B3GLCT: variants seen among roughly 807,000 people sequenced by gnomAD.
B3GLCT encodes the protein beta-1,3-glucosyltransferase.
In B3GLCT, 65 loss-of-function variants were observed where a neutral mutation model predicts 63.4. The observed-to-expected ratio is 1.03, with a 90% CI of 0.84 to 1.26. The LOEUF (loss-of-function observed/expected upper bound fraction) is 1.26. Among genes scored for constraint, B3GLCT ranks in the 50% most tolerant of loss-of-function variants. The probability of loss-of-function intolerance (pLI) is 0.00; values close to 1 mark genes in which losing one functional copy is unlikely to be tolerated. For missense variants in B3GLCT, 577 were observed against 604.8 expected, an observed-to-expected ratio of 0.95 and a Z score of 0.48; for synonymous variants, 233 against 219.2, an observed-to-expected ratio of 1.06 and a Z score of -0.55.
At chr13:31,302,356 A>G (rs928654221) in intron 12 of B3GLCT, among the ~76,000 whole-genome samples, 2 of 151,966 alleles carry the variant, frequency 1.3e-5, no homozygotes, top group African/African-American at 4.8e-5. Flanking sequence ...GCTCCGGTCT[A>G]CAGCTCCCAG....
At chr13:31,203,936 A>G (rs1253042733) in intron 1 of B3GLCT, among the ~76,000 whole-genome samples, 1 of 152,208 alleles carries the variant, frequency 6.6e-6, no homozygotes, top group Non-Finnish European at 1.5e-5. Flanking sequence ...GTTAAAAAGA[A>G]AAACTGCCCA....
chr13:31,216,275 T>C (rs1351285778), intron 2 of B3GLCT, among the ~76,000 whole-genome samples: 1 of 152,238 alleles, frequency 6.6e-6, no homozygotes, highest in Non-Finnish European at 1.5e-5. Context: ...ACACATTTAA[T>C]TTAATCTTCT....
At position 31,323,884 on chromosome 13, in the gene B3GLCT, C is replaced by T. The variant is rs142935066; in HGVS notation, c.1318C>T (p.Leu440Phe). ...GGGAATCCCTGTGACACACAGCCCT[C>T]TCTTCCATCAGGTGAGGAAATGGTT... The part of the protein sequence containing the change: ...GLGIPVTHSP[L>F]FHQARPVDYP... The change falls in exon 14 of 15, where the codon CTC becomes TTC. Residue 440 changes from leucine to phenylalanine, a missense_variant. Physicochemically the swap from Leu to Phe is conservative, Grantham distance 22. Transcript: ENST00000343307. 18 of 1,614,080 alleles carry T rather than the reference C, an allele frequency of 1.1e-5. No individual in the cohort carries two copies. Among genetic ancestry groups the T allele is most frequent in the Middle Eastern group, 1.6e-4 (1 of 6,084 alleles).
chr13:31,244,326 T>C (rs540088732), intron 4 of B3GLCT, among the ~76,000 whole-genome samples: 1 of 152,210 alleles, frequency 6.6e-6, no homozygotes, highest in East Asian at 1.9e-4. Context: ...ACCCTGTCTC[T>C]ATTAATAACA....
intron 14 of B3GLCT, 121 bp downstream of exon 14, chr13:31,324,016 C>A: frequency 7.9e-7 from 1 of 1,264,730 alleles, no homozygotes; most frequent in Non-Finnish European, 1.1e-6. Flanking sequence ...TGTTGACAGG[C>A]TCCAGGGGAA....
intron 6 of B3GLCT, among the ~76,000 whole-genome samples, chr13:31,259,453 A>G (rs1248275379): frequency 6.6e-6 from 1 of 151,446 alleles, no homozygotes; most frequent in Non-Finnish European, 1.5e-5. Flanking sequence ...GGCAGTCTGA[A>G]CTCCAACCTT....
rs191556772 is a variant in B3GLCT, at chr13:31,266,792, A to G, written c.597-2422A>G. On this transcript the variant is annotated intron_variant, in intron 7 of 14. Transcript: ENST00000343307. The stretch of plus-strand genomic sequence containing the variant: ...TTCTTTTTTATTTTTATTTTTTGAG[A>G]TGGAGTCTTGTTCTGTTGCCCAGGA... 3.6e-3 allele frequency among the ~76,000 whole-genome samples: 541 copies of G among 152,190 alleles called. 5 individuals are homozygous for G. The highest frequency in any genetic ancestry group is 0.012 in the African/African-American group (516 of 41,522).
At chr13:31,319,076 T>C (rs1875199648) in intron 13 of B3GLCT, among the ~76,000 whole-genome samples, 1 of 152,168 alleles carries the variant, frequency 6.6e-6, no homozygotes, top group Non-Finnish European at 1.5e-5. Context: ...GCACAGGGAA[T>C]GCACAGATGA....
intron 4 of B3GLCT, among the ~76,000 whole-genome samples, chr13:31,235,255 C>T (rs1432916847): frequency 2.0e-5 from 3 of 152,050 alleles, no homozygotes; most frequent in Non-Finnish European, 2.9e-5. Context: ...GGTGTCATAT[C>T]TGAAGTGAGG....
In B3GLCT at chr13:31,270,854, A is replaced by G. The variant is rs976076695; in HGVS notation, c.660+1577A>G. Among the ~76,000 whole-genome samples, 24 of 152,216 alleles carry G rather than the reference A, an allele frequency of 1.6e-4. 1 individual carries two copies. Among genetic ancestry groups the G allele is most frequent in the Admixed American group, 1.2e-3 (19 of 15,280 alleles). On this transcript the variant is annotated intron_variant, in intron 8 of 14. Transcript: ENST00000343307. ...AGCTAATCTGGATTCTTGTCTCACA[A>G]CCAGGAAGAATTAGGCACACAGACA... is the stretch of plus-strand genomic sequence containing the variant.
At chr13:31,218,610 C>T (rs1007451153) in intron 2 of B3GLCT, among the ~76,000 whole-genome samples, 7 of 152,136 alleles carry the variant, frequency 4.6e-5, no homozygotes, top group Non-Finnish European at 1.0e-4. Context: ...TATTAGAGAT[C>T]TTTTCTAGGT....
intron 12 of B3GLCT, among the ~76,000 whole-genome samples, chr13:31,312,124 A>C (rs1158014499): frequency 1.3e-5 from 2 of 152,220 alleles, no homozygotes; most frequent in Non-Finnish European, 2.9e-5. Context: ...CAAGACTGTC[A>C]GTTAAGATGG....
intron 2 of B3GLCT, 135 bp downstream of exon 2, chr13:31,215,235 G>A: frequency 1.1e-6 from 1 of 948,060 alleles, no homozygotes; most frequent in Non-Finnish European, 1.6e-6. Flanking sequence ...GGTCAACATG[G>A]ATTTTGAATC....
At chr13:31,230,955 C>T (rs1164834680) in intron 4 of B3GLCT, among the ~76,000 whole-genome samples, 4 of 152,116 alleles carry the variant, frequency 2.6e-5, no homozygotes, top group African/African-American at 9.7e-5. Context: ...TTGCAGTGAA[C>T]TGAGATCGCG....
At chr13:31,261,197 G>T (rs1471805829) in intron 7 of B3GLCT, 115 bp downstream of exon 7, 8 of 1,231,104 alleles carry the variant, frequency 6.5e-6, no homozygotes, top group Non-Finnish European at 8.0e-6. Context: ...TCAGCCAGAG[G>T]CAGTGTGTGG....
At position 31,331,259 on chromosome 13, in the gene B3GLCT, C is replaced by T. The variant is rs1875907773; in HGVS notation, c.*1591C>T. ...ATCTATAATAGTACTCCTGGAGAGC[C>T]CTGGCTGCCTACACCAGTGGAAAAG... On this transcript the variant is annotated 3_prime_UTR_variant, in exon 15 of 15. Transcript: ENST00000343307. 1 of 152,186 alleles carries T rather than the reference C, an allele frequency of 6.6e-6. No individual in the cohort carries two copies. Among genetic ancestry groups the T allele is most frequent in the Admixed American group, 6.5e-5 (1 of 15,280 alleles). 9.4% of individuals were successfully genotyped at this position (152,186 alleles called of 1,614,324 possible). A position where few individuals can be genotyped will look rare whatever the true frequency, so the allele number is the denominator to read the frequency against.
intron 4 of B3GLCT, among the ~76,000 whole-genome samples, chr13:31,239,786 C>G (rs1399367713): frequency 1.3e-5 from 2 of 151,446 alleles, no homozygotes; most frequent in Admixed American, 1.3e-4. Flanking sequence ...TAACACCTGT[C>G]TAAAACCATT....
At chr13:31,280,713 G>T (rs1873030136) in intron 10 of B3GLCT, among the ~76,000 whole-genome samples, 1 of 152,170 alleles carries the variant, frequency 6.6e-6, no homozygotes, top group Non-Finnish European at 1.5e-5. Context: ...TTTAAATATT[G>T]TACTTTCTTG....
chr13:31,244,105 T>C (rs1249395833), intron 4 of B3GLCT, among the ~76,000 whole-genome samples: 1 of 152,242 alleles, frequency 6.6e-6, no homozygotes, highest in Non-Finnish European at 1.5e-5. Flanking sequence ...TCCAGACAGC[T>C]CTTGGTAATG....
Sources: gnomAD v4.1 joint callset for allele counts (sites outside exome capture counted in the v4.1 genomes callset) on GRCh38, gnomAD v4.1.1 for gene constraint, MANE v1.5 for transcripts, NCBI Gene and HGNC (gene_info 2026-07-23, HGNC 2026-07-21) for gene names.